The following ASXL1 variants were observed in gnomAD, a reference collection of about 807,000 sequenced individuals.
The protein encoded by ASXL1 is polycomb group protein ASXL1.
A neutral mutation model predicts 89.1 loss-of-function variants in ASXL1; 65 were observed. The observed-to-expected ratio is 0.73, with a 90% confidence interval of 0.60 to 0.90. The LOEUF (loss-of-function observed/expected upper bound fraction) is 0.90. Ranked by LOEUF, ASXL1 falls within the 40% of genes least tolerant of loss-of-function variation. ASXL1 has a pLI of 0.00. For synonymous variants in ASXL1, 739 were observed against 746.9 expected (o/e 0.99, Z 0.17); for missense variants, 1,786 against 1,942.9 (o/e 0.92, Z 1.52).
intron 4 of ASXL1, among the ~76,000 whole-genome samples, chr20:32,376,687 A>C (rs1368580178): frequency 6.6e-6 from 1 of 151,716 alleles, no homozygotes; most frequent in Non-Finnish European, 1.5e-5. Flanking sequence ...GTTAAGGATA[A>C]GCTTACGTGC....
At chr20:32,369,361 A>G (rs2048259438) in intron 4 of ASXL1, among the ~76,000 whole-genome samples, 1 of 151,662 alleles carries the variant, frequency 6.6e-6, no homozygotes, top group Non-Finnish European at 1.5e-5. Context: ...TGATTCTCCC[A>G]CCTCAACCTC....
rs1177815042 is a variant in ASXL1, at chr20:32,426,554, CTT to C, written c.253-1551_253-1550del. On this transcript the variant is annotated intron_variant, in intron 4 of 12. Coordinates refer to ENST00000375687, the MANE Select transcript of ASXL1 (RefSeq NM_015338.6). ...GAAAACTGTTTTCTTTTTTTTCTTT[CTT>C]TTTTTTTTTTTTTTTTTTTTTTGAG... Among the ~76,000 whole-genome samples the C allele has an allele frequency of 7.5e-3, 625 of 83,758 alleles. 2 individuals are homozygous for C. Among genetic ancestry groups the C allele is most frequent in the Middle Eastern group, 0.025 (4 of 158 alleles). 54.9% of individuals were successfully genotyped at this position (83,758 alleles called of 152,430 possible).
At chr20:32,427,516 A>C in intron 4 of ASXL1, 1 of 166,128 alleles carries the variant, frequency 6.0e-6, no homozygotes, top group Non-Finnish European at 1.3e-5. Context: ...TGAGTTCCCC[A>C]CAGCCCTAGT....
At chr20:32,395,661 G>A (rs1192863757) in intron 4 of ASXL1, among the ~76,000 whole-genome samples, 1 of 152,108 alleles carries the variant, frequency 6.6e-6, no homozygotes, top group Non-Finnish European at 1.5e-5. Context: ...ACTCACTGAT[G>A]CACTGTTATG....
At chr20:32,383,393 G>C (rs2048522712) in intron 4 of ASXL1, among the ~76,000 whole-genome samples, 1 of 151,466 alleles carries the variant, frequency 6.6e-6, no homozygotes, top group African/African-American at 2.4e-5. Context: ...TGCAAGCTCT[G>C]CCTCCCGGGT....
chr20:32,388,396 G>A (rs1600507605), intron 4 of ASXL1, among the ~76,000 whole-genome samples: 2 of 152,032 alleles, frequency 1.3e-5, no homozygotes, highest in Non-Finnish European at 2.9e-5. Flanking sequence ...GGCTGGTCTC[G>A]AACTCCTGAC....
At chr20:32,379,207 CAG>C (rs971732288) in intron 4 of ASXL1, among the ~76,000 whole-genome samples, 5 of 101,156 alleles carry the variant, frequency 4.9e-5, no homozygotes, top group Middle Eastern at 6.9e-3. Flanking sequence ...TTTTTTGAGA[CAG>C]AGTCTCCTTC....
At chr20:32,363,179 TTC>T (rs1428215081) in intron 1 of ASXL1, among the ~76,000 whole-genome samples, 1 of 152,220 alleles carries the variant, frequency 6.6e-6, no homozygotes, top group Non-Finnish European at 1.5e-5. Context: ...CCTTTAGAGA[TTC>T]TGTTTCCCCT....
At chr20:32,420,040 CTTTTT>C (rs35002363) in intron 4 of ASXL1, among the ~76,000 whole-genome samples, 2 of 144,602 alleles carry the variant, frequency 1.4e-5, no homozygotes, top group African/African-American at 5.2e-5. Context: ...TTGATTTTTC[CTTTTT>C]TTTTTTTTTA....
At chr20:32,421,512 C>T (rs1403368260) in intron 4 of ASXL1, among the ~76,000 whole-genome samples, 1 of 151,466 alleles carries the variant, frequency 6.6e-6, no homozygotes, top group Non-Finnish European at 1.5e-5. Context: ...GGCATTTCTA[C>T]TCCTAGATAG....
intron 4 of ASXL1, among the ~76,000 whole-genome samples, chr20:32,373,717 A>T (rs942284265): frequency 1.3e-5 from 2 of 151,882 alleles, no homozygotes; most frequent in Non-Finnish European, 2.9e-5. Context: ...AAATGCGAAA[A>T]TTAGCTGGGC....
chr20:32,385,912 C>CT (rs1306872123), intron 4 of ASXL1, among the ~76,000 whole-genome samples: 5 of 152,176 alleles, frequency 3.3e-5, no homozygotes, highest in Non-Finnish European at 7.3e-5. Flanking sequence ...ATTCCTTAAG[C>CT]TTTTTCCAGT....
rs71187116 is a variant in ASXL1 at position 32,397,250 on chromosome 20, C to CTTTTTTTTTTTTT, written c.252+28146_252+28158dup. 7.2e-4 allele frequency among the ~76,000 whole-genome samples: 5 copies of CTTTTTTTTTTTTT among 6,982 alleles called. 2 individuals are homozygous for CTTTTTTTTTTTTT. Among genetic ancestry groups the CTTTTTTTTTTTTT allele is most frequent in the Admixed American group, 6.8e-3 (2 of 294 alleles). The allele number at this position is 6,982 out of a possible 152,430, so 4.6% of individuals were successfully genotyped here. ...TTGTGGGGTGAGCGACCATGCCTGG[C>CTTTTTTTTTTTTT]TTTTTTTTTTTTTTTTTTTTTTTTT... On this transcript the variant is annotated intron_variant, in intron 4 of 12. Transcript: ENST00000375687.
At chr20:32,377,098 TATATATA>T (rs1320947764) in intron 4 of ASXL1, among the ~76,000 whole-genome samples, 1 of 126,376 alleles carries the variant, frequency 7.9e-6, no homozygotes, top group Non-Finnish European at 1.6e-5. Context: ...ATATCTATAT[TATATATA>T]ATATATTAAT....
At chr20:32,384,325 GC>G (rs1035074086) in intron 4 of ASXL1, among the ~76,000 whole-genome samples, 3 of 150,126 alleles carry the variant, frequency 2.0e-5, no homozygotes, top group Non-Finnish European at 4.4e-5. Context: ...TCCTGCCTTG[GC>G]CTCCCAAGTG....
At chr20:32,433,971 C>A (rs2011630545) in intron 12 of ASXL1, 54 bp downstream of exon 12, 2 of 1,602,008 alleles carry the variant, frequency 1.2e-6, no homozygotes, top group South Asian at 2.2e-5. Flanking sequence ...CTTTGAGGGT[C>A]ATGAGATTAT....
chr20:32,383,365 G>C (rs1248231036), intron 4 of ASXL1, among the ~76,000 whole-genome samples: 1 of 151,596 alleles, frequency 6.6e-6, no homozygotes, highest in Non-Finnish European at 1.5e-5. Context: ...AGAGTGCAGT[G>C]GCGCGATCTC....
Position 32,434,563 on chromosome 20 carries a change from TA to T in ASXL1, c.1854del (p.Ala619ProfsTer84). 1.2e-6 allele frequency: 2 copies of T among 1,613,432 alleles called. No homozygotes were observed. Among genetic ancestry groups the T allele is most frequent in the Non-Finnish European group, 1.7e-6 (2 of 1,179,988 alleles). ...CTGGCGCCAGGACCCTCGCAGACAT[TA>T]AAGCCCGTGCTCTGCAGGTCCGAGG... Reference protein sequence around the residue: ...WTGARTLADIKARALQVRGAR... With the variant: ...WTGARTLADIXARALQVRGAR... On this transcript the variant is annotated frameshift_variant, in exon 13 of 13. Transcript: ENST00000375687. LOFTEE classifies it low-confidence loss of function (END_TRUNC).
chr20:32,412,507 A>C (rs189076535), intron 4 of ASXL1, among the ~76,000 whole-genome samples: 1 of 152,208 alleles, frequency 6.6e-6, no homozygotes, highest in Non-Finnish European at 1.5e-5. Context: ...TATGTCAGTA[A>C]AAATTTTAAA....
Sources: allele counts gnomAD v4.1 joint callset (sites outside exome capture counted in the v4.1 genomes callset), GRCh38; gene constraint gnomAD v4.1.1; transcripts MANE v1.5; gene names NCBI Gene and HGNC (gene_info 2026-07-23, HGNC 2026-07-21).